Variants in WWOX observed in about 807,000 individuals in gnomAD.
WWOX encodes the protein WW domain-containing oxidoreductase.
Under a neutral mutation model 46.2 loss-of-function variants are expected in WWOX, and 69 were observed. The observed-to-expected ratio is 1.49, with a 90% CI of 1.23 to 1.82. The LOEUF (loss-of-function observed/expected upper bound fraction) is 1.82. WWOX is among the 40% of genes most tolerant of loss of function. The pLI, the probability that WWOX is intolerant of heterozygous loss-of-function variation, is 0.00. For synonymous variants in WWOX, 359 were observed against 202.6 expected (o/e 1.77, Z -6.56); for missense variants, 919 against 542.6 (o/e 1.69, Z -6.89).
At chr16:79,036,740 T>C (rs2047874517) in intron 8 of WWOX, among the ~76,000 whole-genome samples, 1 of 152,128 alleles carries the variant, frequency 6.6e-6, no homozygotes, top group South Asian at 2.1e-4. Context: ...GAGCGAAGGA[T>C]TGGGAAGAGT....
At chr16:79,142,769 G>A (rs1317436851) in intron 8 of WWOX, among the ~76,000 whole-genome samples, 2 of 152,176 alleles carry the variant, frequency 1.3e-5, no homozygotes, top group Admixed American at 6.5e-5. Flanking sequence ...CACCATTATG[G>A]TTTACTGCAG....
intron 4 of WWOX, among the ~76,000 whole-genome samples, chr16:78,131,274 G>C (rs1294230774): frequency 6.6e-6 from 1 of 152,112 alleles, no homozygotes; most frequent in Admixed American, 6.5e-5. Context: ...GTGCATCAGC[G>C]TGATCATAGC....
intron 8 of WWOX, among the ~76,000 whole-genome samples, chr16:79,049,974 T>C (rs557435074): frequency 2.0e-5 from 3 of 152,088 alleles, no homozygotes; most frequent in South Asian, 2.1e-4. Flanking sequence ...AAACATGTCA[T>C]GCTTGTACCT....
In WWOX at chr16:78,671,991, C is replaced by T. The variant is rs141114722; in HGVS notation, c.1056+239239C>T. Among the ~76,000 whole-genome samples the T allele has an allele frequency of 3.7e-3, 567 of 152,168 alleles. 6 individuals carry two copies. The highest frequency in any genetic ancestry group is 0.013 in the African/African-American group (532 of 41,520). Reference sequence around the variant, plus strand: ...ATATGATCCTTGGCAGTCTACTACGCAAAAGCAGGAACATCATCTGCTTTT... The same window carrying T: ...ATATGATCCTTGGCAGTCTACTACGTAAAAGCAGGAACATCATCTGCTTTT... On this transcript the variant is annotated intron_variant, in intron 8 of 8. Coordinates refer to ENST00000566780, the MANE Select transcript of WWOX (RefSeq NM_016373.4).
chr16:78,955,277 C>T (rs778873147), intron 8 of WWOX, among the ~76,000 whole-genome samples: 1 of 152,168 alleles, frequency 6.6e-6, no homozygotes, highest in African/African-American at 2.4e-5. Flanking sequence ...ACATGTCCCT[C>T]ATGCCCTAAA....
intron 8 of WWOX, among the ~76,000 whole-genome samples, chr16:79,192,246 C>A (rs1185974463): frequency 6.6e-6 from 1 of 152,154 alleles, no homozygotes; most frequent in Non-Finnish European, 1.5e-5. Context: ...AATACGCCTC[C>A]CTTTGGCGTG....
chr16:78,278,619 C>A (rs1424166427), intron 5 of WWOX: 13 of 1,610,790 alleles, frequency 8.1e-6, no homozygotes, highest in Non-Finnish European at 9.3e-6. Flanking sequence ...AAATACCACC[C>A]TCCGCCAGAA....
At chr16:79,132,924 C>T (rs968515889) in intron 8 of WWOX, among the ~76,000 whole-genome samples, 6 of 152,154 alleles carry the variant, frequency 3.9e-5, no homozygotes, top group Non-Finnish European at 8.8e-5. Flanking sequence ...AGTGGTGGGG[C>T]TTCTTGGCTG....
intron 8 of WWOX, among the ~76,000 whole-genome samples, chr16:79,058,522 G>A (rs75526421): frequency 6.6e-6 from 1 of 152,066 alleles, no homozygotes; most frequent in Non-Finnish European, 1.5e-5. Flanking sequence ...GGAAAGGAGG[G>A]AGGAGGCAAG....
chr16:78,353,849 C>T (rs929718181), intron 5 of WWOX, among the ~76,000 whole-genome samples: 49 of 152,284 alleles, frequency 3.2e-4, no homozygotes, highest in African/African-American at 1.0e-3. Flanking sequence ...TTCGCTTTAC[C>T]CTTGCCCTTG....
intron 8 of WWOX, among the ~76,000 whole-genome samples, chr16:78,461,614 C>G (rs888682187): frequency 6.6e-6 from 1 of 152,192 alleles, no homozygotes; most frequent in African/African-American, 2.4e-5. Context: ...CAGTGCAAAG[C>G]TGTTTTCACA....
intron 8 of WWOX, among the ~76,000 whole-genome samples, chr16:78,910,922 C>T (rs911915074): frequency 6.6e-6 from 1 of 152,006 alleles, no homozygotes; most frequent in Admixed American, 6.6e-5. Flanking sequence ...ATATGTTGAT[C>T]AGCTCAATTT....
intron 8 of WWOX, among the ~76,000 whole-genome samples, chr16:79,089,003 G>C (rs780347168): frequency 6.6e-6 from 1 of 152,160 alleles, no homozygotes; most frequent in Non-Finnish European, 1.5e-5. Context: ...CTTGAACATA[G>C]CTGTTGTCAG....
intron 7 of WWOX, among the ~76,000 whole-genome samples, chr16:78,426,531 C>G (rs529550101): frequency 2.0e-5 from 3 of 152,260 alleles, no homozygotes; most frequent in East Asian, 3.9e-4. Context: ...AAGGAAGGGA[C>G]TTGGGCTCTT....
At chr16:79,198,586 A>C (rs761978831) in intron 8 of WWOX, among the ~76,000 whole-genome samples, 10 of 152,110 alleles carry the variant, frequency 6.6e-5, no homozygotes, top group Admixed American at 6.5e-4. Context: ...ATAATTGACA[A>C]ATGCATTGTG....
chr16:78,611,719 C>G (rs928195952), intron 8 of WWOX, among the ~76,000 whole-genome samples: 3 of 152,208 alleles, frequency 2.0e-5, no homozygotes, highest in Non-Finnish European at 1.5e-5. Flanking sequence ...TCATATATTT[C>G]TCACTTATGG....
intron 8 of WWOX, among the ~76,000 whole-genome samples, chr16:79,067,253 C>T (rs970889908): frequency 6.6e-6 from 1 of 152,164 alleles, no homozygotes; most frequent in African/African-American, 2.4e-5. Flanking sequence ...TAAAACACAT[C>T]AGATCAAAGT....
intron 8 of WWOX, chr16:79,101,793 C>A (rs2049201251): frequency 6.7e-6 from 1 of 150,026 alleles, no homozygotes; most frequent in African/African-American, 2.5e-5. Flanking sequence ...ATCTACTTTC[C>A]AGATAGTTTT....
chr16:79,139,514 C>T (rs1017026858), intron 8 of WWOX, among the ~76,000 whole-genome samples: 1 of 152,198 alleles, frequency 6.6e-6, no homozygotes, highest in Non-Finnish European at 1.5e-5. Flanking sequence ...ATCATTTTTA[C>T]TGATGTCCAA....
Sources: allele counts gnomAD v4.1 joint callset (sites outside exome capture counted in the v4.1 genomes callset), GRCh38; gene constraint gnomAD v4.1.1; transcripts MANE v1.5; gene names NCBI Gene and HGNC (gene_info 2026-07-23, HGNC 2026-07-21).